CLYBL: variants seen among roughly 807,000 people sequenced by gnomAD.
The protein encoded by CLYBL is citramalyl-CoA lyase, mitochondrial.
A neutral mutation model predicts 38.9 loss-of-function variants in CLYBL; 31 were observed. The ratio of observed to expected loss-of-function variants is 0.80; its 90% CI spans 0.60 to 1.08. CLYBL has a LOEUF of 1.08. Among genes scored for constraint, CLYBL ranks in the 50% least tolerant of loss-of-function variants. The pLI, the probability that CLYBL is intolerant of heterozygous loss-of-function variation, is 0.00. For missense variants in CLYBL, 434 were observed against 411.6 expected (o/e 1.05, Z -0.47); for synonymous variants, 171 against 158.6 (o/e 1.08, Z -0.59).
chr13:99,660,976 A>G (rs1228362028), intron 1 of CLYBL, among the ~76,000 whole-genome samples: 1 of 152,168 alleles, frequency 6.6e-6, no homozygotes, highest in Non-Finnish European at 1.5e-5. Context: ...TTCTTGCAAT[A>G]TATTTTGGGT....
At chr13:99,834,072 G>A (rs942363995) in intron 2 of CLYBL, among the ~76,000 whole-genome samples, 1 of 152,056 alleles carries the variant, frequency 6.6e-6, no homozygotes, top group African/African-American at 2.4e-5. Flanking sequence ...GATAACTGGC[G>A]AGAGAGGTGG....
intron 2 of CLYBL, among the ~76,000 whole-genome samples, chr13:99,789,629 AT>A (rs1477743954): frequency 1.3e-5 from 2 of 152,164 alleles, no homozygotes; most frequent in Non-Finnish European, 2.9e-5. Flanking sequence ...TATGTGGTCA[AT>A]TTTGGAATAA....
intron 7 of CLYBL, among the ~76,000 whole-genome samples, chr13:99,882,187 A>T (rs1339175353): frequency 6.6e-6 from 1 of 152,186 alleles, no homozygotes; most frequent in Non-Finnish European, 1.5e-5. Context: ...TATCAGCCAT[A>T]CTTTGGGTTA....
At chr13:99,805,562 A>G (rs1396757058) in intron 2 of CLYBL, among the ~76,000 whole-genome samples, 1 of 151,944 alleles carries the variant, frequency 6.6e-6, no homozygotes, top group Non-Finnish European at 1.5e-5. Flanking sequence ...TCAGGATACT[A>G]AAGCTGGGAG....
At chr13:99,635,807 C>T (rs2139249506) in intron 1 of CLYBL, among the ~76,000 whole-genome samples, 1 of 152,244 alleles carries the variant, frequency 6.6e-6, no homozygotes, top group Non-Finnish European at 1.5e-5. Context: ...TTTAATCTCC[C>T]CAGTCTCAGT....
intron 7 of CLYBL, among the ~76,000 whole-genome samples, chr13:99,885,352 C>T (rs1049864790): frequency 5.9e-5 from 9 of 152,022 alleles, no homozygotes; most frequent in South Asian, 2.1e-4. Flanking sequence ...ACAGGGCATG[C>T]GGCAGAGCTG....
chr13:99,694,083 C>T lies in CLYBL; in HGVS notation c.63-78741C>T, dbSNP rs1047059455. Among the ~76,000 whole-genome samples the T allele has an allele frequency of 5.9e-5, 9 of 152,294 alleles. No individual in the cohort carries two copies. The East Asian group carries it at 9.6e-4, about 16-fold the overall frequency. ...GAAGCTAAGCAGGATTTATGGCTGG[C>T]GCAAACCTCCATCAAGGCACTGGAA... On this transcript the variant is annotated intron_variant, in intron 1 of 8. Transcript: ENST00000339105.
At chr13:99,874,080 A>C (rs1594238148) in intron 7 of CLYBL, among the ~76,000 whole-genome samples, 1 of 152,344 alleles carries the variant, frequency 6.6e-6, no homozygotes, top group African/African-American at 2.4e-5. Context: ...TTGGCACCGT[A>C]GTCCAGTAAT....
At chr13:99,689,343 A>G (rs965010460) in intron 1 of CLYBL, among the ~76,000 whole-genome samples, 1 of 152,242 alleles carries the variant, frequency 6.6e-6, no homozygotes, top group African/African-American at 2.4e-5. Flanking sequence ...TACCAGTTGT[A>G]GGATGTTTTG....
Position 99,865,086 on chromosome 13 carries a change from C to T in CLYBL, c.634+175C>T, listed in dbSNP as rs1362479100. On this transcript the variant is annotated intron_variant, in intron 5 of 8. Transcript: ENST00000339105. This position sits in a 1 kb window ranked among gnomAD's most constrained non-coding sequence, Gnocchi z 4.7. Reference sequence around the variant, plus strand: ...ACTACTTCCTGATAATTTAGGGCTCCTCATAGCTGCCCTGCTTCTAGAGCA... The same window carrying T: ...ACTACTTCCTGATAATTTAGGGCTCTTCATAGCTGCCCTGCTTCTAGAGCA... The T allele has an allele frequency of 1.2e-5, 8 of 659,006 alleles. No homozygotes were observed. The highest frequency in any genetic ancestry group is 2.3e-5 in the Non-Finnish European group (8 of 350,672). The allele number at this position is 659,006 out of a possible 1,614,324, so 40.8% of individuals were successfully genotyped here. A position where few individuals can be genotyped will look rare whatever the true frequency, so the allele number is the denominator to read the frequency against.
intron 1 of CLYBL, among the ~76,000 whole-genome samples, chr13:99,647,443 C>T (rs1219063766): frequency 6.6e-6 from 1 of 151,950 alleles, no homozygotes; most frequent in Non-Finnish European, 1.5e-5. Flanking sequence ...GCCCCGCCCC[C>T]CATCACAACT....
At chr13:99,904,216 C>T (rs1000259865) in intron 8 of CLYBL, among the ~76,000 whole-genome samples, 2 of 152,136 alleles carry the variant, frequency 1.3e-5, no homozygotes, top group African/African-American at 4.8e-5. Flanking sequence ...GGCCCCACCC[C>T]AAACTAATTC....
chr13:99,837,665 G>T (rs549008672), intron 2 of CLYBL, among the ~76,000 whole-genome samples: 5 of 152,064 alleles, frequency 3.3e-5, no homozygotes, highest in South Asian at 4.1e-4. Flanking sequence ...GGGCTGCTGA[G>T]TTCCTCTTCT....
At chr13:99,645,292 C>T (rs967291024) in intron 1 of CLYBL, among the ~76,000 whole-genome samples, 2 of 151,964 alleles carry the variant, frequency 1.3e-5, no homozygotes, top group Non-Finnish European at 2.9e-5. Flanking sequence ...GTCAGGAGAT[C>T]GAGACCATCC....
At chr13:99,833,007 C>CATATATAT (rs1555314795) in intron 2 of CLYBL, among the ~76,000 whole-genome samples, 8 of 51,572 alleles carry the variant, frequency 1.6e-4, no homozygotes, top group African/African-American at 4.6e-4. Flanking sequence ...TACATACATA[C>CATATATAT]ATATATATAT....
intron 1 of CLYBL, among the ~76,000 whole-genome samples, chr13:99,731,308 A>G (rs1437640768): frequency 6.6e-6 from 1 of 151,374 alleles, no homozygotes; most frequent in African/African-American, 2.4e-5. Context: ...TAGTTGCAGA[A>G]TATATGTCTA....
intron 1 of CLYBL, among the ~76,000 whole-genome samples, chr13:99,635,154 G>A (rs1055265693): frequency 6.6e-5 from 10 of 152,156 alleles, no homozygotes; most frequent in Non-Finnish European, 1.3e-4. Flanking sequence ...CTGAGAGTCC[G>A]CCTTTTAACT....
At chr13:99,712,331 C>CTT (rs766784946) in intron 1 of CLYBL, among the ~76,000 whole-genome samples, 12,092 of 120,696 alleles carry the variant, frequency 0.1, 976 homozygotes, top group East Asian at 0.39. Flanking sequence ...TAGCAATTGA[C>CTT]TTTTTTTTTT....
intron 1 of CLYBL, among the ~76,000 whole-genome samples, chr13:99,743,966 C>CTT (rs1162079530): frequency 0.026 from 1,825 of 69,166 alleles, 88 homozygotes; most frequent in African/African-American, 0.078. Flanking sequence ...TCTCTTCTTT[C>CTT]TTTTTTTTTT....
Sources: allele counts gnomAD v4.1 joint callset (sites outside exome capture counted in the v4.1 genomes callset), GRCh38; gene constraint gnomAD v4.1.1; non-coding constraint Gnocchi (gnomAD v3.1); transcripts MANE v1.5; gene names NCBI Gene and HGNC (gene_info 2026-07-23, HGNC 2026-07-21).